The following ATP13A5 variants were observed in gnomAD, a reference collection of about 807,000 sequenced individuals.
The protein encoded by ATP13A5 is probable cation-transporting ATPase 13A5.
A neutral mutation model predicts 150.2 loss-of-function variants in ATP13A5; 149 were observed. The observed-to-expected ratio is 0.99, with a 90% CI of 0.87 to 1.14. The LOEUF is 1.14. Ranked by LOEUF, ATP13A5 falls within the 50% of genes most tolerant of loss-of-function variation. The probability of loss-of-function intolerance (pLI) is 0.00; values close to 1 mark genes in which losing one functional copy is unlikely to be tolerated. For missense variants in ATP13A5, 1,383 were observed against 1,449.3 expected (o/e 0.95, Z 0.74); for synonymous variants, 497 against 522.2 (o/e 0.95, Z 0.66).
intron 27 of ATP13A5, 57 bp from the exon 28 acceptor site, chr3:193,279,511 G>A (rs1009380669): frequency 4.7e-5 from 66 of 1,405,120 alleles, no homozygotes; most frequent in Middle Eastern, 3.7e-4. Flanking sequence ...ATATAATTTG[G>A]CACACATTGC....
chr3:193,289,911 AG>A lies in ATP13A5; in HGVS notation c.2996del (p.Pro999LeufsTer24). ...TGTATTGGTAGACCTCACAATACCA[AG>A]GCTGCTGCTTCACATAGAGAAATGC... ...ISAFLYVKQQPWYCEVYQYSE... is the reference protein window; with the variant it reads ...ISAFLYVKQQXWYCEVYQYSE... On this transcript the variant is annotated frameshift_variant, in exon 26 of 30. Coordinates refer to ENST00000342358, the MANE Select transcript of ATP13A5 (RefSeq NM_198505.4). LOFTEE classifies it high-confidence loss of function. 2 of 1,610,154 alleles carry A rather than the reference AG, an allele frequency of 1.2e-6. No homozygotes were observed. Among genetic ancestry groups the A allele is most frequent in the Non-Finnish European group, 1.7e-6 (2 of 1,178,366 alleles).
intron 25 of ATP13A5, among the ~76,000 whole-genome samples, chr3:193,297,500 C>G (rs1317364174): frequency 6.6e-6 from 1 of 151,992 alleles, no homozygotes; most frequent in African/African-American, 2.4e-5. Context: ...CTGGTTTCTG[C>G]CTCTACTCTC....
intron 27 of ATP13A5, among the ~76,000 whole-genome samples, chr3:193,280,694 G>C (rs192453404): frequency 6.6e-6 from 1 of 152,262 alleles, no homozygotes; most frequent in Non-Finnish European, 1.5e-5. Flanking sequence ...CTTTAGCAGA[G>C]CACTTTAGAG....
At position 193,279,305 on chromosome 3, in the gene ATP13A5, A is replaced by G. The variant is rs75132899; in HGVS notation, c.3315+61T>C. 2.7e-3 allele frequency: 3,456 copies of G among 1,293,528 alleles called. 63 individuals are homozygous for G. The African/African-American group carries it at 0.046, about 17-fold the overall frequency. 80.1% of individuals were successfully genotyped at this position (1,293,528 alleles called of 1,614,324 possible). ...TACAGTAATAATTGACTTGTGAATT[A>G]CAATGAATACATGGTCCATGTACAT... On this transcript the variant is annotated intron_variant, in intron 28 of 29. Transcript: ENST00000342358.
intron 2 of ATP13A5, 131 bp downstream of exon 2, chr3:193,363,976 G>C: frequency 9.8e-7 from 1 of 1,021,122 alleles, no homozygotes; most frequent in Non-Finnish European, 1.4e-6. Flanking sequence ...CTCCTGTTTT[G>C]ATCTATGGAA....
intron 16 of ATP13A5, among the ~76,000 whole-genome samples, chr3:193,321,044 A>G (rs968109508): frequency 6.6e-6 from 1 of 152,096 alleles, no homozygotes; most frequent in African/African-American, 2.4e-5. Context: ...GAACTTACCT[A>G]GCGTCCAGAC....
intron 2 of ATP13A5, among the ~76,000 whole-genome samples, 178 bp downstream of exon 2, chr3:193,363,929 T>C (rs948053531): frequency 6.6e-6 from 1 of 152,204 alleles, no homozygotes; most frequent in East Asian, 1.9e-4. Flanking sequence ...AAATGAGAGA[T>C]AGCAAATGGA....
At position 193,294,297 on chromosome 3, in the gene ATP13A5, T is replaced by C. The variant is rs202102195; in HGVS notation, c.2849-4238A>G. On this transcript the variant is annotated intron_variant, in intron 25 of 29. Transcript: ENST00000342358. ...CCAGGTGCTTCCAAGTTCCTGTTCT[T>C]AGATTTTTTTGAGAATTATGTTCTT... 7.9e-5 allele frequency among the ~76,000 whole-genome samples: 12 copies of C among 152,116 alleles called. No individual in the cohort carries two copies. In the East Asian group the frequency reaches 2.1e-3, roughly 27 times the overall value.
intron 9 of ATP13A5, among the ~76,000 whole-genome samples, chr3:193,339,757 C>G (rs960383917): frequency 6.6e-6 from 1 of 152,110 alleles, no homozygotes; most frequent in Admixed American, 6.6e-5. Flanking sequence ...TTGAAATCAG[C>G]CTTTGTAAGA....
intron 27 of ATP13A5, among the ~76,000 whole-genome samples, chr3:193,284,051 T>C (rs1717616376): frequency 6.7e-6 from 1 of 149,928 alleles, no homozygotes; most frequent in African/African-American, 2.5e-5. Flanking sequence ...GACAGAGCCT[T>C]GCTCTGTTGC....
chr3:193,362,783 T>TCTTTCTC, intron 3 of ATP13A5, 146 bp from the exon 4 acceptor site: 3 of 529,524 alleles, frequency 5.7e-6, no homozygotes, highest in Non-Finnish European at 6.7e-6. Context: ...CTTTCTTTCT[T>TCTTTCTC]TCTTTCTTTC....
At position 193,314,960 on chromosome 3, in the gene ATP13A5, A is replaced by G; in HGVS notation, c.2158+12T>C. 3 of 1,611,584 alleles carry G rather than the reference A, an allele frequency of 1.9e-6. No individual in the cohort carries two copies. The highest frequency in any genetic ancestry group is 2.5e-6 in the Non-Finnish European group (3 of 1,178,518). On this transcript the variant is annotated intron_variant, in intron 18 of 29. Coordinates refer to ENST00000342358, the MANE Select transcript of ATP13A5 (RefSeq NM_198505.4). ...CAATCAACTTGCCAGGCCCCTAGAA[A>G]CAAATACATACCTGTAATCATCACA...
intron 20 of ATP13A5, among the ~76,000 whole-genome samples, chr3:193,311,278 A>C (rs1313703703): frequency 6.6e-6 from 1 of 152,210 alleles, no homozygotes; most frequent in Non-Finnish European, 1.5e-5. Context: ...GCTAACAGAT[A>C]GTTGCTGCCC....
intron 14 of ATP13A5, among the ~76,000 whole-genome samples, 171 bp downstream of exon 14, chr3:193,324,693 C>T (rs115737148): frequency 0.013 from 1,917 of 152,288 alleles, 22 homozygotes; most frequent in Middle Eastern, 0.034. Context: ...CATGCAGCAA[C>T]CATTAACAGA....
intron 2 of ATP13A5, 124 bp from the exon 3 acceptor site, chr3:193,363,506 A>G: frequency 1.2e-6 from 1 of 855,920 alleles, no homozygotes; most frequent in East Asian, 2.7e-5. Flanking sequence ...TTATCTCAGA[A>G]CTTAGTAGAA....
At chr3:193,307,035 T>C (rs1169356824) in intron 22 of ATP13A5, 4 of 870,736 alleles carry the variant, frequency 4.6e-6, no homozygotes, top group Admixed American at 6.2e-5. Context: ...ACAGGAAAGA[T>C]TTAAAGCAGA....
Position 193,284,904 on chromosome 3 carries a change from A to G in ATP13A5, c.3226+10T>C. On this transcript the variant is annotated intron_variant, in intron 27 of 29. Transcript: ENST00000342358. ...TATTCAGAAAGAAAAATTAAACTTT[A>G]TATACTTACAGTTTGTATAGATGGG... is the stretch of plus-strand genomic sequence containing the variant. 2.5e-6 allele frequency: 4 copies of G among 1,599,958 alleles called. No homozygotes were observed. Among genetic ancestry groups the G allele is most frequent in the Non-Finnish European group, 3.4e-6 (4 of 1,171,358 alleles).
intron 1 of ATP13A5, among the ~76,000 whole-genome samples, chr3:193,369,194 T>C (rs1263352532): frequency 6.6e-6 from 1 of 150,948 alleles, no homozygotes; most frequent in African/African-American, 2.4e-5. Flanking sequence ...TAGTGAGCCA[T>C]AATTGCACCA....
chr3:193,302,532 G>A (rs1718438452), intron 23 of ATP13A5, among the ~76,000 whole-genome samples: 2 of 152,024 alleles, frequency 1.3e-5, no homozygotes, highest in Admixed American at 6.6e-5. Flanking sequence ...AGGATAAATG[G>A]GCCTCCAAAA....
Sources: allele counts gnomAD v4.1 joint callset (sites outside exome capture counted in the v4.1 genomes callset), GRCh38; gene constraint gnomAD v4.1.1; transcripts MANE v1.5; gene names NCBI Gene and HGNC (gene_info 2026-07-23, HGNC 2026-07-21).